The following NAT10 variants were observed in gnomAD, a reference collection of about 807,000 sequenced individuals.
NAT10 encodes the protein N-acetyltransferase 10.
NAT10 carries 109 observed loss-of-function variants against 132.2 expected under a neutral mutation model. The ratio of observed to expected loss-of-function variants is 0.82; its 90% CI spans 0.71 to 0.97. NAT10 has a LOEUF of 0.97. NAT10 is among the 50% of genes least tolerant of loss of function. NAT10 has a pLI of 0.00. For missense variants in NAT10, 1,184 were observed against 1,263.4 expected, an observed-to-expected ratio of 0.94 and a Z score of 0.95; for synonymous variants, 479 against 478.0, an observed-to-expected ratio of 1.00 and a Z score of -0.03.
rs985388792 is a variant in NAT10 at position 34,124,174 on chromosome 11, G to A, written c.1009-128G>A. ...CGAAACTCCATCTCAAAAAAAAAAAGGATTTTTATTTTGATACAGTGCTGG... is the reference window on the plus strand; with the variant it reads ...CGAAACTCCATCTCAAAAAAAAAAAAGATTTTTATTTTGATACAGTGCTGG... On this transcript the variant is annotated intron_variant, in intron 10 of 28. Transcript: ENST00000257829. 4.6e-5 allele frequency: 30 copies of A among 657,964 alleles called. No homozygotes were observed. In the African/African-American group the frequency reaches 5.3e-4, roughly 12 times the overall value. 40.8% of individuals were successfully genotyped at this position (657,964 alleles called of 1,614,324 possible). A position where few individuals can be genotyped will look rare whatever the true frequency, so the allele number is the denominator to read the frequency against.
chr11:34,118,350 C>G lies in NAT10; in HGVS notation c.673-46C>G, dbSNP rs370968299. 226 of 1,610,260 alleles carry G rather than the reference C, an allele frequency of 1.4e-4. 2 individuals are homozygous for G. The South Asian group carries it at 2.1e-3, about 15-fold the overall frequency. ...GGGAGGCTACGTTTTCTGTGTTGTT[C>G]CTCCTGTGACAGTGACAGACCTTCC... On this transcript the variant is annotated intron_variant, in intron 7 of 28. Coordinates refer to ENST00000257829, the MANE Select transcript of NAT10 (RefSeq NM_024662.3).
At chr11:34,141,066 C>T (rs569114318) in intron 24 of NAT10, 23 bp from the exon 25 acceptor site, 2 of 1,613,816 alleles carry the variant, frequency 1.2e-6, no homozygotes, top group South Asian at 2.2e-5. Context: ...AGAGGCCCAC[C>T]CAGCAGATTT....
chr11:34,141,847 C>G, intron 26 of NAT10, 30 bp downstream of exon 26: 1 of 1,568,820 alleles, frequency 6.4e-7, no homozygotes, highest in South Asian at 1.1e-5. Context: ...CTCGGGAGTC[C>G]CAGCATTTCC....
intron 18 of NAT10, among the ~76,000 whole-genome samples, chr11:34,134,787 G>T (rs1057271094): frequency 6.6e-6 from 1 of 152,180 alleles, no homozygotes; most frequent in Non-Finnish European, 1.5e-5. Flanking sequence ...TTGTGAGAAC[G>T]AGGACTTGTG....
At chr11:34,118,120 A>T (rs946525207) in intron 6 of NAT10, 60 bp from the exon 7 acceptor site, 1 of 1,364,126 alleles carries the variant, frequency 7.3e-7, no homozygotes, top group African/African-American at 1.4e-5. Flanking sequence ...GAAAAGTTAT[A>T]CTCTGTATAG....
chr11:34,134,698 C>A, intron 18 of NAT10, 112 bp downstream of exon 18: 1 of 716,482 alleles, frequency 1.4e-6, no homozygotes, highest in Non-Finnish European at 2.3e-6. Context: ...GAAGTGTAGG[C>A]ACTTCCCTGC....
In NAT10 at chr11:34,133,559, C is replaced by T. The variant is rs552003059; in HGVS notation, c.1734+417C>T. Among the ~76,000 whole-genome samples, 40 of 152,086 alleles carry T rather than the reference C, an allele frequency of 2.6e-4. No individual in the cohort carries two copies. The East Asian group carries it at 6.8e-3, about 26-fold the overall frequency. On this transcript the variant is annotated intron_variant, in intron 16 of 28. Coordinates refer to ENST00000257829, the MANE Select transcript of NAT10 (RefSeq NM_024662.3). ...TCCTTTTCATATACATAGTAATCTG[C>T]TTTTATTTTTAGGCAGTGTATAAAA...
chr11:34,129,528 G>A (rs1852063586), intron 12 of NAT10, among the ~76,000 whole-genome samples: 1 of 149,990 alleles, frequency 6.7e-6, no homozygotes, highest in African/African-American at 2.5e-5. Flanking sequence ...TTGATACCAG[G>A]TCCCTTTTCA....
At chr11:34,125,697 T>C (rs1268297246) in intron 11 of NAT10, among the ~76,000 whole-genome samples, 1 of 152,166 alleles carries the variant, frequency 6.6e-6, no homozygotes, top group Non-Finnish European at 1.5e-5. Context: ...GCATGGTGGC[T>C]CATGGCTCTA....
Position 34,108,341 on chromosome 11 carries a change from C to T in NAT10, c.108+8C>T. The T allele has an allele frequency of 8.8e-6, 14 of 1,593,480 alleles. No homozygotes were observed. Among genetic ancestry groups the T allele is most frequent in the Non-Finnish European group, 1.2e-5 (14 of 1,161,480 alleles). On this transcript the variant is annotated splice_region_variant and intron_variant, in intron 2 of 28. Transcript: ENST00000257829. ...GATCGAGGAAAAGATCAGGTATGGC[C>T]TGGTAAATGCTTCCTGAATTACTTT...
intron 10 of NAT10, 124 bp downstream of exon 10, chr11:34,123,979 G>C: frequency 1.4e-6 from 1 of 692,612 alleles, no homozygotes; most frequent in South Asian, 1.7e-5. Context: ...AGACCAGCCT[G>C]ACCAACATAG....
At chr11:34,139,096 T>C (rs1385043341) in intron 21 of NAT10, 95 bp from the exon 22 acceptor site, 2 of 1,192,998 alleles carry the variant, frequency 1.7e-6, no homozygotes, top group Non-Finnish European at 2.5e-6. Context: ...GCGGAAGCAC[T>C]AAGCCTTTCT....
intron 8 of NAT10, among the ~76,000 whole-genome samples, chr11:34,122,131 G>A (rs1296896050): frequency 1.3e-5 from 2 of 151,838 alleles, no homozygotes; most frequent in South Asian, 2.1e-4. Context: ...AGCCGAGATC[G>A]CACCATTGCA....
intron 1 of NAT10, 104 bp downstream of exon 1, chr11:34,105,896 G>A (rs1346024106): frequency 6.6e-6 from 1 of 152,342 alleles, no homozygotes; most frequent in Admixed American, 6.5e-5. Flanking sequence ...GCATCCGGAC[G>A]GATACCTGGC....
In NAT10 at chr11:34,124,709, T is replaced by C. The variant is rs187520492; in HGVS notation, c.1107+309T>C. On this transcript the variant is annotated intron_variant, in intron 11 of 28. Coordinates refer to ENST00000257829, the MANE Select transcript of NAT10 (RefSeq NM_024662.3). ...TTTCTTCTGACATCAGCTCTAACTTTGCTTAGTTATTGCAGTTTTTGAAAT... is the reference window on the plus strand; with the variant it reads ...TTTCTTCTGACATCAGCTCTAACTTCGCTTAGTTATTGCAGTTTTTGAAAT... 1.5e-3 allele frequency among the ~76,000 whole-genome samples: 225 copies of C among 152,376 alleles called. 2 individuals are homozygous for C. Among genetic ancestry groups the C allele is most frequent in the African/African-American group, 5.2e-3 (218 of 41,596 alleles).
intron 9 of NAT10, 62 bp from the exon 10 acceptor site, chr11:34,123,700 T>A: frequency 7.7e-7 from 1 of 1,302,298 alleles, no homozygotes. Flanking sequence ...TTTTCTTTTT[T>A]AAATTGTTTC....
chr11:34,108,377 C>G, intron 2 of NAT10, 44 bp downstream of exon 2: 1 of 1,490,926 alleles, frequency 6.7e-7, no homozygotes, highest in Non-Finnish European at 9.4e-7. Flanking sequence ...TTATCTTGTC[C>G]AAAGAATCAG....
At position 34,135,146 on chromosome 11, in the gene NAT10, G is replaced by A. The variant is rs372025297; in HGVS notation, c.1912-29G>A. On this transcript the variant is annotated intron_variant, in intron 18 of 28. Coordinates refer to ENST00000257829, the MANE Select transcript of NAT10 (RefSeq NM_024662.3). ...AGACTGAGAGCAGCTCTCTTCCCTC[G>A]GCCTCTTCCCCTTCACGTTTGCTCC... is the stretch of plus-strand genomic sequence containing the variant. The A allele has an allele frequency of 3.2e-6, 5 of 1,572,484 alleles. No individual in the cohort carries two copies. In the South Asian group the frequency reaches 3.3e-5, roughly 10 times the overall value.
At chr11:34,129,339 G>C (rs1346635555) in intron 12 of NAT10, among the ~76,000 whole-genome samples, 1 of 152,136 alleles carries the variant, frequency 6.6e-6, no homozygotes, top group African/African-American at 2.4e-5. Context: ...GGTGTGAAGT[G>C]ACCTCTCGTT....
Sources: allele counts gnomAD v4.1 joint callset (sites outside exome capture counted in the v4.1 genomes callset), GRCh38; gene constraint gnomAD v4.1.1; transcripts MANE v1.5; gene names NCBI Gene and HGNC (gene_info 2026-07-23, HGNC 2026-07-21).